Variants in MAP3K21 observed in about 807,000 individuals in gnomAD.
MAP3K21 encodes the protein mitogen-activated protein kinase kinase kinase MLK4.
MAP3K21 carries 63 observed loss-of-function variants against 86.1 expected under a neutral mutation model. The observed-to-expected ratio is 0.73, with a 90% CI of 0.60 to 0.90. The LOEUF is 0.90. Among genes scored for constraint, MAP3K21 ranks in the 40% least tolerant of loss-of-function variants. MAP3K21 has a pLI of 0.00. For missense variants in MAP3K21, 1,220 were observed against 1,367.7 expected (o/e 0.89, Z 1.70); for synonymous variants, 558 against 564.8 (o/e 0.99, Z 0.17).
intron 4 of MAP3K21, among the ~76,000 whole-genome samples, chr1:233,357,192 G>T (rs963839614): frequency 6.6e-6 from 1 of 152,080 alleles, no homozygotes; most frequent in Admixed American, 6.6e-5. Flanking sequence ...CTCATAGGTG[G>T]GAATTGAACA....
intron 1 of MAP3K21, among the ~76,000 whole-genome samples, chr1:233,333,552 C>G (rs993310596): frequency 2.6e-5 from 4 of 151,034 alleles, no homozygotes; most frequent in Non-Finnish European, 4.4e-5. Context: ...AGTTTGAGAC[C>G]AGCTTGGGGA....
chr1:233,333,943 A>G (rs954336093), intron 1 of MAP3K21, among the ~76,000 whole-genome samples: 2 of 152,128 alleles, frequency 1.3e-5, no homozygotes, highest in Non-Finnish European at 2.9e-5. Context: ...GCTCACTGCA[A>G]GCTCCGTCTC....
At chr1:233,345,010 T>C (rs1381799575) in intron 1 of MAP3K21, among the ~76,000 whole-genome samples, 1 of 152,002 alleles carries the variant, frequency 6.6e-6, no homozygotes, top group Non-Finnish European at 1.5e-5. Flanking sequence ...ATCAGAGAAA[T>C]GCAAATCAAA....
At chr1:233,374,727 A>C (rs1205031929) in intron 6 of MAP3K21, among the ~76,000 whole-genome samples, 2 of 151,842 alleles carry the variant, frequency 1.3e-5, no homozygotes, top group Non-Finnish European at 1.5e-5. Flanking sequence ...ACAGGCATCT[A>C]TAAACACATA....
chr1:233,384,948 G>T lies in MAP3K21; in HGVS notation c.*2237G>T, dbSNP rs1048242096. Reference sequence around the variant, plus strand: ...TGTGTTAGTAAACTTAGCAGAATCTGGTTATTTATTTTTGTGTAGGCTTAA... The same window carrying T: ...TGTGTTAGTAAACTTAGCAGAATCTTGTTATTTATTTTTGTGTAGGCTTAA... On this transcript the variant is annotated 3_prime_UTR_variant, in exon 10 of 10. Transcript: ENST00000366624. 2.6e-5 allele frequency: 4 copies of T among 152,274 alleles called. No individual in the cohort carries two copies. Among genetic ancestry groups the T allele is most frequent in the Middle Eastern group, 6.8e-3 (2 of 294 alleles). 9.4% of individuals were successfully genotyped at this position (152,274 alleles called of 1,614,324 possible).
chr1:233,358,131 TA>T (rs1663399898), intron 4 of MAP3K21, among the ~76,000 whole-genome samples: 2 of 151,898 alleles, frequency 1.3e-5, no homozygotes, highest in South Asian at 4.2e-4. Flanking sequence ...TGTTACTCTG[TA>T]CCTCCTCATC....
intron 2 of MAP3K21, among the ~76,000 whole-genome samples, chr1:233,351,908 A>G (rs1663259123): frequency 6.6e-6 from 1 of 152,144 alleles, no homozygotes; most frequent in Admixed American, 6.5e-5. Flanking sequence ...TTTAGTTTTG[A>G]AACAGGGTCT....
Position 233,353,798 on chromosome 1 carries a change from G to C in MAP3K21, c.987-9G>C. On this transcript the variant is annotated splice_polypyrimidine_tract_variant and intron_variant, in intron 2 of 9. Coordinates refer to ENST00000366624, the MANE Select transcript of MAP3K21 (RefSeq NM_032435.3). ...AGCCCATTGAGCATATGAAATCCTT[G>C]CTTTCTAGCTATGGAGTGCTGCTGT... 1 of 1,565,430 alleles carries C rather than the reference G, an allele frequency of 6.4e-7. No homozygotes were observed. The highest frequency in any genetic ancestry group is 8.6e-7 in the Non-Finnish European group (1 of 1,159,112).
chr1:233,350,204 T>C (rs973776905), intron 2 of MAP3K21, among the ~76,000 whole-genome samples: 8 of 152,302 alleles, frequency 5.3e-5, no homozygotes, highest in African/African-American at 1.9e-4. Flanking sequence ...TAAATGGCTG[T>C]CGTTCTGTAT....
At chr1:233,349,479 A>G (rs1663207455) in intron 2 of MAP3K21, among the ~76,000 whole-genome samples, 1 of 152,204 alleles carries the variant, frequency 6.6e-6, no homozygotes, top group African/African-American at 2.4e-5. Flanking sequence ...AACCTTGTCT[A>G]TCATAAACAG....
In MAP3K21 at chr1:233,376,483, A is replaced by G; in HGVS notation, c.1880A>G (p.Asn627Ser). The change falls in exon 8 of 10, where the codon AAT becomes AGT. Residue 627 changes from asparagine to serine, a missense_variant. Asn to Ser is a conservative substitution (Grantham distance 46). Coordinates refer to ENST00000366624, the MANE Select transcript of MAP3K21 (RefSeq NM_032435.3). ...NSPWSTILIKNQKTMPLASLF... is the reference protein window; with the variant it reads ...NSPWSTILIKSQKTMPLASLF... ...CCTTGGTCAACTATCTTAATAAAAAATCAGAAAACCATGCCCTTGGCTTCA... is the reference window on the plus strand; with the variant it reads ...CCTTGGTCAACTATCTTAATAAAAAGTCAGAAAACCATGCCCTTGGCTTCA... 5 of 1,613,908 alleles carry G rather than the reference A, an allele frequency of 3.1e-6. No homozygotes were observed. Among genetic ancestry groups the G allele is most frequent in the South Asian group, 1.1e-5 (1 of 91,028 alleles).
At chr1:233,345,968 T>C (rs758107410) in intron 1 of MAP3K21, among the ~76,000 whole-genome samples, 10 of 152,200 alleles carry the variant, frequency 6.6e-5, no homozygotes, top group African/African-American at 4.8e-5. Context: ...ACATTATCTT[T>C]ATCAGTTAAA....
chr1:233,382,329 C>G lies in MAP3K21; in HGVS notation c.2729C>G (p.Thr910Ser), dbSNP rs867580358. Residue 910 changes from threonine to serine, a missense_variant, in exon 10 of 10, where the codon ACT (threonine) becomes AGT (serine). Physicochemically the swap from Thr to Ser is moderately conservative, Grantham distance 58 (BLOSUM62 1). Transcript: ENST00000366624. ...GCTGGTGCAACTATTATCTCAGCCA[C>G]TGGAGCCTCTGCACTGCCACTCTGC... ...TPTGATIISA[T>S]GASALPLCPS... 1 of 1,613,762 alleles carries G rather than the reference C, an allele frequency of 6.2e-7. No homozygotes were observed. The highest frequency in any genetic ancestry group is 1.1e-5 in the South Asian group (1 of 91,038).
In MAP3K21 at chr1:233,347,400, A is replaced by G. The variant is rs79856360; in HGVS notation, c.986+778A>G. Among the ~76,000 whole-genome samples, 922 of 152,354 alleles carry G rather than the reference A, an allele frequency of 6.1e-3. 21 individuals carry two copies. The East Asian group carries it at 0.062, about 10-fold the overall frequency. ...ACTTTCCATTCAGCTTTGTCTCATT[A>G]GAAGGATGCTAACAATTACAAAATA... On this transcript the variant is annotated intron_variant, in intron 2 of 9. Transcript: ENST00000366624.
chr1:233,328,834 G>GT lies in MAP3K21; in HGVS notation c.805+2dup. The GT allele has an allele frequency of 1.3e-6, 2 of 1,514,042 alleles. No homozygotes were observed. The highest frequency in any genetic ancestry group is 2.7e-5 in the East Asian group (1 of 36,786). 93.8% of individuals were successfully genotyped at this position (1,514,042 alleles called of 1,614,324 possible). On this transcript the variant is annotated splice_donor_variant, in intron 1 of 9. Transcript: ENST00000366624. LOFTEE classifies it high-confidence loss of function. The surrounding 1 kb of genome is among the most constrained non-coding windows in gnomAD (Gnocchi z 8.7). Reference sequence around the variant, plus strand: ...CACCGGGACCTCAAGTCCAGCAACAGTAAGTGGGGCCAGAGGGAGGTGGGG... The same window carrying GT: ...CACCGGGACCTCAAGTCCAGCAACAGTTAAGTGGGGCCAGAGGGAGGTGGGG...
chr1:233,364,436 G>A (rs1225681910), intron 5 of MAP3K21, among the ~76,000 whole-genome samples: 1 of 152,070 alleles, frequency 6.6e-6, no homozygotes, highest in Non-Finnish European at 1.5e-5. Context: ...TGTTTCCCTT[G>A]GGAAACTTTG....
At position 233,379,027 on chromosome 1, in the gene MAP3K21, T is replaced by C; in HGVS notation, c.2021T>C (p.Leu674Pro). ...AGTCAGGCCTACATTGATCTACCTC[T>C]TGGGAAAGATGCTCAGAGAGAGAAT... ...LPSQAYIDLP[L>P]GKDAQRENPA... is the part of the protein sequence containing the mutation. The change falls in exon 9 of 10, where the codon CTT (leucine) becomes CCT (proline). Residue 674 changes from leucine (L) to proline (P), a missense_variant. By Grantham distance (98) the Leu-to-Pro change is moderately conservative. Coordinates refer to ENST00000366624, the MANE Select transcript of MAP3K21 (RefSeq NM_032435.3). The C allele has an allele frequency of 6.2e-7, 1 of 1,614,136 alleles. No homozygotes were observed. Among genetic ancestry groups the C allele is most frequent in the Non-Finnish European group, 8.5e-7 (1 of 1,180,020 alleles).
Position 233,344,213 on chromosome 1 carries a change from A to G in MAP3K21, c.806-2229A>G, listed in dbSNP as rs184531460. ...TCAAGCTACCAATGACTTTCTTCAC[A>G]GAATTGGAGAAAACTACTTTAAAGT... is the stretch of plus-strand genomic sequence containing the variant. On this transcript the variant is annotated intron_variant, in intron 1 of 9. Transcript: ENST00000366624. Among the ~76,000 whole-genome samples, 551 of 152,382 alleles carry G rather than the reference A, an allele frequency of 3.6e-3. 4 individuals are homozygous for G. Among genetic ancestry groups the G allele is most frequent in the East Asian group, 0.026 (135 of 5,192 alleles).
intron 5 of MAP3K21, among the ~76,000 whole-genome samples, chr1:233,367,387 G>T (rs557002574): frequency 5.9e-5 from 9 of 152,294 alleles, no homozygotes; most frequent in South Asian, 4.1e-4. Context: ...TTTTACTCAA[G>T]CCTGTGATTG....
Sources: gnomAD v4.1 joint callset for allele counts (sites outside exome capture counted in the v4.1 genomes callset) on GRCh38, gnomAD v4.1.1 for gene constraint, Gnocchi (gnomAD v3.1) non-coding constraint, MANE v1.5 for transcripts, NCBI Gene and HGNC (gene_info 2026-07-23, HGNC 2026-07-21) for gene names.